Variants in DNAH6 observed in about 807,000 individuals in gnomAD.
DNAH6 encodes the protein axonemal beta dynein heavy chain 6.
A neutral mutation model predicts 491.4 loss-of-function variants in DNAH6; 340 were observed. The observed-to-expected ratio is 0.69, with a 90% CI of 0.63 to 0.76. DNAH6 has a LOEUF of 0.76. Among genes scored for constraint, DNAH6 ranks in the 30% least tolerant of loss-of-function variants. The pLI is 0.00. For synonymous variants in DNAH6, 1,603 were observed against 1,686.1 expected (o/e 0.95, Z 1.21); for missense variants, 4,443 against 4,972.2 (o/e 0.89, Z 3.20).
the DNAH6 span, among the ~76,000 whole-genome samples, chr2:84,490,394 A>G: frequency 7.6e-4 from 115 of 152,170 alleles, no homozygotes; most frequent in African/African-American, 2.6e-3. Context: ...ACCCAGTCAT[A>G]TAACCATCAC....
At chr2:84,560,728 T>C (rs1304497109) in intron 11 of DNAH6, among the ~76,000 whole-genome samples, 3 of 152,122 alleles carry the variant, frequency 2.0e-5, no homozygotes, top group African/African-American at 7.2e-5. Context: ...TTTGTCCTTG[T>C]GATAGTTTAC....
intron 62 of DNAH6, among the ~76,000 whole-genome samples, chr2:84,741,132 G>C (rs1201134842): frequency 3.3e-5 from 5 of 152,110 alleles, no homozygotes; most frequent in Non-Finnish European, 7.4e-5. Context: ...CTCGTAGCAA[G>C]GCATTGGACA....
intron 41 of DNAH6, 45 bp from the exon 42 acceptor site, chr2:84,681,312 G>A: frequency 2.8e-6 from 4 of 1,426,106 alleles, no homozygotes; most frequent in Non-Finnish European, 3.7e-6. Flanking sequence ...TAGATATTTG[G>A]TTTAAAATAA....
At chr2:84,635,279 A>G (rs1573306453) in intron 30 of DNAH6, among the ~76,000 whole-genome samples, 2 of 152,348 alleles carry the variant, frequency 1.3e-5, no homozygotes, top group African/African-American at 4.8e-5. Flanking sequence ...GTGAGCTACT[A>G]AATTGTGTAA....
At chr2:84,580,388 T>G (rs928084977) in intron 14 of DNAH6, among the ~76,000 whole-genome samples, 2 of 151,980 alleles carry the variant, frequency 1.3e-5, no homozygotes, top group Admixed American at 1.3e-4. Flanking sequence ...TCCGGAAACT[T>G]GGTTTCCTCC....
intron 31 of DNAH6, among the ~76,000 whole-genome samples, chr2:84,638,682 G>A (rs929264042): frequency 1.1e-4 from 16 of 152,070 alleles, no homozygotes; most frequent in Non-Finnish European, 1.5e-5. Flanking sequence ...CCTATATTAG[G>A]GTATTAGGTC....
At chr2:84,530,578 C>T (rs965156135) in intron 4 of DNAH6, among the ~76,000 whole-genome samples, 4 of 152,040 alleles carry the variant, frequency 2.6e-5, no homozygotes, top group African/African-American at 7.2e-5. Flanking sequence ...AAAAGTGTCA[C>T]GATCTGATTT....
At chr2:84,694,910 A>G (rs1245247555) in intron 46 of DNAH6, among the ~76,000 whole-genome samples, 1 of 152,174 alleles carries the variant, frequency 6.6e-6, no homozygotes, top group African/African-American at 2.4e-5. Flanking sequence ...TACAACAGCT[A>G]AATTAACTGA....
At position 84,577,241 on chromosome 2, in the gene DNAH6, G is replaced by T; in HGVS notation, c.1925-16G>T. ...ATATGGTATATTTTATGCTTTATGT[G>T]AATTTTTTTATGTAGATATTAACTT... is the stretch of plus-strand genomic sequence containing the variant. On this transcript the variant is annotated splice_polypyrimidine_tract_variant and intron_variant, in intron 12 of 76. Transcript: ENST00000389394. The T allele has an allele frequency of 6.6e-7, 1 of 1,514,490 alleles. No homozygotes were observed. The allele number at this position is 1,514,490 out of a possible 1,614,324, so 93.8% of individuals were successfully genotyped here. A position where few individuals can be genotyped will look rare whatever the true frequency, so the allele number is the denominator to read the frequency against.
At chr2:84,743,012 T>C (rs183621540) in intron 62 of DNAH6, among the ~76,000 whole-genome samples, 2 of 152,228 alleles carry the variant, frequency 1.3e-5, no homozygotes, top group Admixed American at 1.3e-4. Context: ...CCCCCACTAG[T>C]AAAAATTGTT....
the DNAH6 span, among the ~76,000 whole-genome samples, chr2:84,490,728 A>G: frequency 2.6e-4 from 40 of 151,972 alleles, no homozygotes; most frequent in Non-Finnish European, 5.0e-4. Flanking sequence ...CACTCGGCTA[A>G]TTTTTATATC....
At chr2:84,734,385 C>G (rs894451229) in intron 62 of DNAH6, among the ~76,000 whole-genome samples, 1 of 152,084 alleles carries the variant, frequency 6.6e-6, no homozygotes, top group East Asian at 1.9e-4. Context: ...CATGATCCGC[C>G]TGCCTCGGCC....
intron 54 of DNAH6, 57 bp downstream of exon 54, chr2:84,707,773 G>A: frequency 7.1e-7 from 1 of 1,398,702 alleles, no homozygotes; most frequent in Non-Finnish European, 9.8e-7. Flanking sequence ...CTGGAGCCAG[G>A]GGTGGTTCAT....
chr2:84,594,968 A>G (rs1174885886), intron 17 of DNAH6, among the ~76,000 whole-genome samples: 1 of 152,226 alleles, frequency 6.6e-6, no homozygotes, highest in African/African-American at 2.4e-5. Flanking sequence ...TTATCTCAGA[A>G]GTAAGAAAAT....
intron 42 of DNAH6, among the ~76,000 whole-genome samples, chr2:84,682,240 A>G (rs1693854135): frequency 6.6e-6 from 1 of 152,144 alleles, no homozygotes; most frequent in Non-Finnish European, 1.5e-5. Context: ...CGGCACCTTA[A>G]CTTACAGCAA....
At position 84,637,275 on chromosome 2, in the gene DNAH6, A is replaced by T; in HGVS notation, c.4719A>T (p.Thr1573=). 1 of 1,551,336 alleles carries T rather than the reference A, an allele frequency of 6.4e-7. No homozygotes were observed. Residue 1573 remains threonine (T), a synonymous_variant, in exon 31 of 77, where the codon ACA becomes ACT. Transcript: ENST00000389394. ...KLVMTCAAFI[T]MNPGYAGRTE... Reference sequence around the variant, plus strand: ...TGATGACTTGTGCAGCCTTCATCACAATGAATCCTGGCTATGCAGGGAGAA... The same window carrying T: ...TGATGACTTGTGCAGCCTTCATCACTATGAATCCTGGCTATGCAGGGAGAA...
In DNAH6 at chr2:84,577,277, C is replaced by T. The variant is rs1682545551; in HGVS notation, c.1945C>T (p.Gln649Ter). ...TGTAGATATTAACTTTTTTAGTGAA[C>T]AACTGGAAAAATATCACAAACAGCA... ...QEPDINFFSE[Q>*]LEKYHKQHKD... Residue 649 changes from glutamine to a stop codon, truncating the protein, a stop_gained, in exon 13 of 77, where the codon CAA becomes TAA. Transcript: ENST00000389394. LOFTEE classifies it high-confidence loss of function. 16 of 1,583,850 alleles carry T rather than the reference C, an allele frequency of 1.0e-5. No individual in the cohort carries two copies. Among genetic ancestry groups the T allele is most frequent in the African/African-American group, 1.4e-5 (1 of 73,512 alleles).
At chr2:84,813,231 C>A in intron 74 of DNAH6, 101 bp downstream of exon 74, 1 of 851,672 alleles carries the variant, frequency 1.2e-6, no homozygotes, top group Non-Finnish European at 1.9e-6. Flanking sequence ...AATGCTCTAG[C>A]AATGAGGCTA....
chr2:84,601,071 G>GTAT (rs1558778972), intron 18 of DNAH6, among the ~76,000 whole-genome samples: 4 of 132,658 alleles, frequency 3.0e-5, no homozygotes, highest in African/African-American at 1.5e-4. Flanking sequence ...ATACTATAAG[G>GTAT]AATCCTTGTA....
Sources: gnomAD v4.1 joint callset for allele counts (sites outside exome capture counted in the v4.1 genomes callset) on GRCh38, gnomAD v4.1.1 for gene constraint, MANE v1.5 for transcripts, NCBI Gene and HGNC (gene_info 2026-07-23, HGNC 2026-07-21) for gene names.